Variants in VPS4B observed in about 807,000 individuals in gnomAD.
VPS4B encodes the protein vacuolar protein sorting-associated protein 4B.
A neutral mutation model predicts 56.1 loss-of-function variants in VPS4B; 23 were observed. The ratio of observed to expected loss-of-function variants is 0.41; its 90% confidence interval spans 0.30 to 0.58. The LOEUF (loss-of-function observed/expected upper bound fraction) is 0.58, where lower values mean the gene tolerates loss of function less well. Ranked by LOEUF, VPS4B falls within the 20% of genes least tolerant of loss-of-function variation. The pLI, the probability that VPS4B is intolerant of heterozygous loss-of-function variation, is 0.29. For missense variants in VPS4B, 372 were observed against 531.9 expected (o/e 0.70, Z 2.96); for synonymous variants, 177 against 186.0 (o/e 0.95, Z 0.39).
At position 63,390,532 on chromosome 18, in the gene VPS4B, A is replaced by T. The variant is rs1568081505; in HGVS notation, c.*443T>A. 6.5e-6 allele frequency: 1 copy of T among 153,132 alleles called. No homozygotes were observed. The highest frequency in any genetic ancestry group is 1.5e-5 in the Non-Finnish European group (1 of 68,452). The allele number at this position is 153,132 out of a possible 1,614,324, so 9.5% of individuals were successfully genotyped here. A position where few individuals can be genotyped will look rare whatever the true frequency, so the allele number is the denominator to read the frequency against. On this transcript the variant is annotated 3_prime_UTR_variant, in exon 11 of 11. Coordinates refer to ENST00000238497, the MANE Select transcript of VPS4B (RefSeq NM_004869.4). ...CCCATCCCTGAGTAAAGATTCTATCATTTGTAATTTTTTAATAACGTAAAT... is the reference window on the plus strand; with the variant it reads ...CCCATCCCTGAGTAAAGATTCTATCTTTTGTAATTTTTTAATAACGTAAAT...
intron 9 of VPS4B, among the ~76,000 whole-genome samples, chr18:63,394,997 T>C (rs1032245522): frequency 6.6e-6 from 1 of 152,086 alleles, no homozygotes. Flanking sequence ...TACTAGTAAA[T>C]GCAAAAAATA....
Position 63,390,918 on chromosome 18 carries a change from A to C in VPS4B, c.*57T>G. The C allele has an allele frequency of 7.9e-7, 1 of 1,261,746 alleles. No individual in the cohort carries two copies. The highest frequency in any genetic ancestry group is 1.2e-5 in the South Asian group (1 of 80,454). 78.2% of individuals were successfully genotyped at this position (1,261,746 alleles called of 1,614,324 possible). A position where few individuals can be genotyped will look rare whatever the true frequency, so the allele number is the denominator to read the frequency against. ...GAAACAATTAATGCGATCCAAATAG[A>C]CAAAAATATCTATGAAAGAAAGAAT... On this transcript the variant is annotated 3_prime_UTR_variant, in exon 11 of 11. Transcript: ENST00000238497.
At position 63,400,150 on chromosome 18, in the gene VPS4B, T is replaced by C. The variant is rs1915778323; in HGVS notation, c.688A>G (p.Ile230Val). 6.2e-7 allele frequency: 1 copy of C among 1,613,310 alleles called. No individual in the cohort carries two copies. The highest frequency in any genetic ancestry group is 8.5e-7 in the Non-Finnish European group (1 of 1,179,770). Residue 230 changes from isoleucine to valine, a missense_variant, in exon 7 of 11, where the codon ATT (isoleucine) becomes GTT (valine). Physicochemically the swap from Ile to Val is conservative, Grantham distance 29. Transcript: ENST00000238497. ...GAATCAATTTCATCAATGAAGATAA[T>C]GGAGGGCTTGTTCTCTCTGGCAAGT... ...FQLARENKPSIIFIDEIDSLC... is the reference protein window; with the variant it reads ...FQLARENKPSVIFIDEIDSLC...
chr18:63,414,156 C>T (rs993251344), intron 1 of VPS4B, among the ~76,000 whole-genome samples: 1 of 151,556 alleles, frequency 6.6e-6, no homozygotes, highest in Non-Finnish European at 1.5e-5. Flanking sequence ...CCGAGGAGGG[C>T]GGATCACTTG....
intron 4 of VPS4B, among the ~76,000 whole-genome samples, chr18:63,404,893 A>G (rs187517610): frequency 2.8e-4 from 42 of 152,306 alleles, no homozygotes; most frequent in African/African-American, 8.4e-4. Context: ...ATGAAACCAT[A>G]AGCATTTTGT....
Position 63,397,210 on chromosome 18 carries a change from G to T in VPS4B, c.916C>A (p.Arg306=). ...AGGTGCAGTTTAAACATTGCTGCTC[G>T]GGCATGGGGTTCCGGCAAGGGAATA... is the stretch of plus-strand genomic sequence containing the variant. ...IYIPLPEPHA[R]AAMFKLHLGT... The change falls in exon 9 of 11, where the codon CGA becomes AGA. Residue 306 remains arginine, a synonymous_variant. Transcript: ENST00000238497. 6.2e-7 allele frequency: 1 copy of T among 1,613,416 alleles called. No homozygotes were observed. Among genetic ancestry groups the T allele is most frequent in the East Asian group, 2.2e-5 (1 of 44,870 alleles).
In VPS4B at chr18:63,389,383, A is replaced by T. The variant is rs1325964432; in HGVS notation, c.*1592T>A. 1 of 152,672 alleles carries T rather than the reference A, an allele frequency of 6.5e-6. No homozygotes were observed. The highest frequency in any genetic ancestry group is 1.9e-4 in the East Asian group (1 of 5,202). 9.5% of individuals were successfully genotyped at this position (152,672 alleles called of 1,614,324 possible). A position where few individuals can be genotyped will look rare whatever the true frequency, so the allele number is the denominator to read the frequency against. On this transcript the variant is annotated 3_prime_UTR_variant, in exon 11 of 11. Coordinates refer to ENST00000238497, the MANE Select transcript of VPS4B (RefSeq NM_004869.4). Reference sequence around the variant, plus strand: ...AATAACAAAAACAATCTGTACAGAAAACCCAAAGGCAACCACATAGCATAT... The same window carrying T: ...AATAACAAAAACAATCTGTACAGAATACCCAAAGGCAACCACATAGCATAT...
intron 3 of VPS4B, among the ~76,000 whole-genome samples, chr18:63,408,371 T>C (rs1032040003): frequency 1.4e-4 from 21 of 152,056 alleles, no homozygotes; most frequent in Admixed American, 7.9e-4. Context: ...GGGCTGTGGG[T>C]GAGGTAGACA....
At chr18:63,414,968 T>C (rs1268388023) in intron 1 of VPS4B, among the ~76,000 whole-genome samples, 1 of 152,232 alleles carries the variant, frequency 6.6e-6, no homozygotes, top group East Asian at 1.9e-4. Flanking sequence ...AGAATGTCTG[T>C]ATATGGCTTC....
chr18:63,412,662 A>C (rs772611892), intron 1 of VPS4B, among the ~76,000 whole-genome samples: 4 of 152,154 alleles, frequency 2.6e-5, no homozygotes, highest in Non-Finnish European at 4.4e-5. Flanking sequence ...TGGATCATAG[A>C]ATTAAATGTA....
intron 2 of VPS4B, 112 bp from the exon 3 acceptor site, chr18:63,410,558 G>T: frequency 7.3e-7 from 1 of 1,362,032 alleles, no homozygotes; most frequent in Non-Finnish European, 1.0e-6. Context: ...GGAAGAAGGA[G>T]GGAAGATCAT....
At chr18:63,407,307 G>T in intron 4 of VPS4B, 125 bp downstream of exon 4, 1 of 823,688 alleles carries the variant, frequency 1.2e-6, no homozygotes, top group Non-Finnish European at 1.9e-6. Context: ...CATGACTATT[G>T]GGAACCAAAG....
intron 9 of VPS4B, among the ~76,000 whole-genome samples, chr18:63,396,097 G>A (rs922645400): frequency 6.6e-6 from 1 of 152,088 alleles, no homozygotes; most frequent in African/African-American, 2.4e-5. Context: ...ACTTTATGAG[G>A]TATAAATGCA....
intron 1 of VPS4B, among the ~76,000 whole-genome samples, chr18:63,412,384 T>C (rs1425195499): frequency 6.6e-6 from 1 of 152,200 alleles, no homozygotes; most frequent in Non-Finnish European, 1.5e-5. Context: ...TGATAAAACA[T>C]ATATTTTTCA....
intron 1 of VPS4B, among the ~76,000 whole-genome samples, chr18:63,414,511 T>C (rs537269126): frequency 9.2e-5 from 14 of 152,310 alleles, no homozygotes; most frequent in Middle Eastern, 3.4e-3. Flanking sequence ...CTTGGCTCAC[T>C]GCAATCTCTG....
intron 9 of VPS4B, among the ~76,000 whole-genome samples, chr18:63,395,190 G>A (rs998359536): frequency 6.6e-6 from 1 of 152,158 alleles, no homozygotes; most frequent in African/African-American, 2.4e-5. Context: ...CACCCTGGCA[G>A]TAATATGCAG....
chr18:63,421,236 G>A (rs964528295), intron 1 of VPS4B, among the ~76,000 whole-genome samples: 9 of 152,104 alleles, frequency 5.9e-5, no homozygotes, highest in Admixed American at 4.6e-4. Flanking sequence ...CTCTTTTTGT[G>A]TATGTGTGTG....
At chr18:63,408,459 A>AAAAC (rs1385261067) in intron 3 of VPS4B, among the ~76,000 whole-genome samples, 1 of 152,152 alleles carries the variant, frequency 6.6e-6, no homozygotes, top group South Asian at 2.1e-4. Flanking sequence ...GTCCTTATTA[A>AAAAC]AAACAAACAA....
intron 8 of VPS4B, among the ~76,000 whole-genome samples, chr18:63,397,631 T>C (rs764358335): frequency 2.6e-5 from 4 of 152,222 alleles, no homozygotes; most frequent in Non-Finnish European, 5.9e-5. Flanking sequence ...ATTCTCTACA[T>C]TCAAAACAGA....
Sources: gnomAD v4.1 joint callset for allele counts (sites outside exome capture counted in the v4.1 genomes callset) on GRCh38, gnomAD v4.1.1 for gene constraint, MANE v1.5 for transcripts, NCBI Gene and HGNC (gene_info 2026-07-23, HGNC 2026-07-21) for gene names.